ZC3H12C: variants seen among roughly 807,000 people sequenced by gnomAD.
The protein encoded by ZC3H12C is probable ribonuclease ZC3H12C.
ZC3H12C carries 20 observed loss-of-function variants against 76.3 expected under a neutral mutation model. The ratio of observed to expected loss-of-function variants is 0.26; its 90% CI spans 0.18 to 0.38. The LOEUF (loss-of-function observed/expected upper bound fraction) is 0.38, where lower values mean the gene tolerates loss of function less well. Ranked by LOEUF, ZC3H12C falls within the 10% of genes least tolerant of loss-of-function variation. The pLI is 1.00. For synonymous variants in ZC3H12C, 352 were observed against 399.6 expected (o/e 0.88, Z 1.42); for missense variants, 874 against 1,086.5 (o/e 0.80, Z 2.75).
chr11:110,103,636 C>T (rs1469873364), intron 1 of ZC3H12C, among the ~76,000 whole-genome samples: 2 of 151,222 alleles, frequency 1.3e-5, no homozygotes, highest in East Asian at 3.9e-4. Flanking sequence ...GACAGAGTCT[C>T]GCTCTGTTGC....
intron 1 of ZC3H12C, among the ~76,000 whole-genome samples, chr11:110,130,532 G>C (rs1310980056): frequency 6.6e-6 from 1 of 152,150 alleles, no homozygotes; most frequent in Non-Finnish European, 1.5e-5. Context: ...ATAGTTAATT[G>C]CTACTTTGAC....
intron 4 of ZC3H12C, among the ~76,000 whole-genome samples, chr11:110,162,270 A>G (rs544637742): frequency 3.3e-5 from 5 of 152,350 alleles, no homozygotes; most frequent in South Asian, 2.1e-4. Context: ...AATGAAAATG[A>G]CTTAAATCTA....
At chr11:110,119,134 C>T (rs963655230) in intron 1 of ZC3H12C, among the ~76,000 whole-genome samples, 12 of 152,126 alleles carry the variant, frequency 7.9e-5, no homozygotes, top group African/African-American at 2.9e-4. Context: ...ACATGTGCTG[C>T]AGGCACAGAA....
At chr11:110,111,583 G>A (rs571750599) in intron 1 of ZC3H12C, among the ~76,000 whole-genome samples, 1 of 149,962 alleles carries the variant, frequency 6.7e-6, no homozygotes, top group African/African-American at 2.5e-5. Context: ...CCCAGCTGGA[G>A]TGCAGTGGCA....
At chr11:110,128,920 GTCTT>G (rs1195939942) in intron 1 of ZC3H12C, among the ~76,000 whole-genome samples, 1 of 142,606 alleles carries the variant, frequency 7.0e-6, no homozygotes. Flanking sequence ...AAGAGATAAA[GTCTT>G]TCTTCATTTC....
At chr11:110,109,539 A>C (rs993306888) in intron 1 of ZC3H12C, among the ~76,000 whole-genome samples, 1 of 152,162 alleles carries the variant, frequency 6.6e-6, no homozygotes, top group Non-Finnish European at 1.5e-5. Context: ...ATTCATTACC[A>C]GCTTTCCATT....
chr11:110,115,960 A>T (rs897653043), intron 1 of ZC3H12C, among the ~76,000 whole-genome samples: 3 of 151,616 alleles, frequency 2.0e-5, no homozygotes, highest in African/African-American at 7.3e-5. Context: ...GGGTTTCACC[A>T]TGTTGGCCAA....
At chr11:110,094,784 A>G (rs1861084058) in intron 1 of ZC3H12C, among the ~76,000 whole-genome samples, 2 of 152,200 alleles carry the variant, frequency 1.3e-5, no homozygotes, top group African/African-American at 4.8e-5. Flanking sequence ...TGGCATGCTT[A>G]TTTCCAGTTA....
intron 1 of ZC3H12C, among the ~76,000 whole-genome samples, chr11:110,106,982 A>G (rs951428429): frequency 6.6e-6 from 1 of 152,178 alleles, no homozygotes; most frequent in African/African-American, 2.4e-5. Context: ...TTCTTTTCCA[A>G]TTTTAATAGG....
chr11:110,119,237 T>C (rs1861612035), intron 1 of ZC3H12C, among the ~76,000 whole-genome samples: 1 of 152,178 alleles, frequency 6.6e-6, no homozygotes, highest in Non-Finnish European at 1.5e-5. Flanking sequence ...ACTTCTCTTC[T>C]CAAAACCCTT....
At chr11:110,161,431 T>C (rs985078834) in intron 4 of ZC3H12C, among the ~76,000 whole-genome samples, 3 of 152,210 alleles carry the variant, frequency 2.0e-5, no homozygotes, top group African/African-American at 7.2e-5. Flanking sequence ...AGTTGATGAA[T>C]GAACGAATGA....
chr11:110,138,854 TG>T (rs1239185449), intron 2 of ZC3H12C, among the ~76,000 whole-genome samples: 4 of 152,222 alleles, frequency 2.6e-5, no homozygotes, highest in Admixed American at 2.0e-4. Flanking sequence ...CCACCACTCC[TG>T]GCCTGCATTA....
rs550198693 is a variant in ZC3H12C, at chr11:110,101,280, A to G, written c.21+7848A>G. Among the ~76,000 whole-genome samples, 3 of 152,338 alleles carry G rather than the reference A, an allele frequency of 2.0e-5. No individual in the cohort carries two copies. In the East Asian group the frequency reaches 5.8e-4, roughly 29 times the overall value. ...GTTTAAGGAAAAAAGCAAGAGTGTT[A>G]GGTGAAGCAGCAAGTTATCCAGCTC... is the stretch of plus-strand genomic sequence containing the variant. On this transcript the variant is annotated intron_variant, in intron 1 of 5. Coordinates refer to ENST00000278590, the MANE Select transcript of ZC3H12C (RefSeq NM_033390.2).
In ZC3H12C at chr11:110,170,351, C is replaced by G. The variant is rs1220307032; in HGVS notation, c.*4614C>G. On this transcript the variant is annotated 3_prime_UTR_variant, in exon 6 of 6. Transcript: ENST00000278590. ...AAAATCTGTTGCAGCATTTAATTAG[C>G]CACAGATACATTTTGGCTGCATTTA... 1 of 152,072 alleles carries G rather than the reference C, an allele frequency of 6.6e-6. No individual in the cohort carries two copies. The highest frequency in any genetic ancestry group is 2.4e-5 in the African/African-American group (1 of 41,426). 9.4% of individuals were successfully genotyped at this position (152,072 alleles called of 1,614,324 possible).
At chr11:110,103,442 C>A (rs1248973423) in intron 1 of ZC3H12C, among the ~76,000 whole-genome samples, 1 of 152,068 alleles carries the variant, frequency 6.6e-6, no homozygotes, top group Non-Finnish European at 1.5e-5. Flanking sequence ...TAGTAGCTAA[C>A]ATTTATTGGT....
intron 1 of ZC3H12C, among the ~76,000 whole-genome samples, chr11:110,135,277 G>A (rs1211007906): frequency 6.6e-6 from 1 of 152,038 alleles, no homozygotes; most frequent in Non-Finnish European, 1.5e-5. Context: ...ATCACTTGAG[G>A]TCAGGAGTTT....
chr11:110,099,416 G>A (rs1861172509), intron 1 of ZC3H12C, among the ~76,000 whole-genome samples: 1 of 151,996 alleles, frequency 6.6e-6, no homozygotes, highest in Non-Finnish European at 1.5e-5. Context: ...GTTTGATGAT[G>A]AGCATTAATA....
At chr11:110,106,539 T>G (rs1363415096) in intron 1 of ZC3H12C, among the ~76,000 whole-genome samples, 1 of 152,234 alleles carries the variant, frequency 6.6e-6, no homozygotes, top group African/African-American at 2.4e-5. Flanking sequence ...AGCTTCAGTT[T>G]CTTTCTTTGT....
rs182025160 is a variant in ZC3H12C, at chr11:110,106,276, T to A, written c.21+12844T>A. On this transcript the variant is annotated intron_variant, in intron 1 of 5. Transcript: ENST00000278590. ...GAGCGAGACTCCGTCTCAAAAAAAA[T>A]AAATAAATAAATAAATAAATAAATA... Among the ~76,000 whole-genome samples the A allele has an allele frequency of 2.1e-3, 304 of 145,848 alleles. 111 individuals carry two copies. The highest frequency in any genetic ancestry group is 0.013 in the South Asian group (58 of 4,562).
Sources: allele counts gnomAD v4.1 joint callset (sites outside exome capture counted in the v4.1 genomes callset), GRCh38; gene constraint gnomAD v4.1.1; transcripts MANE v1.5; gene names NCBI Gene and HGNC (gene_info 2026-07-23, HGNC 2026-07-21).